Variants in TAS2R1 observed in about 807,000 individuals in gnomAD.
TAS2R1 encodes the protein taste receptor type 2 member 1.
For synonymous variants in TAS2R1, 141 were observed against 134.2 expected, an observed-to-expected ratio of 1.05 and a Z score of -0.35; for missense variants, 370 against 353.4, an observed-to-expected ratio of 1.05 and a Z score of -0.38.
chr5:9,878,189 T>C, the TAS2R1 span, among the ~76,000 whole-genome samples: 1 of 152,194 alleles, frequency 6.6e-6, no homozygotes, highest in Non-Finnish European at 1.5e-5. Context: ...CAGCAGAGAA[T>C]AAAATGCAAT....
At chr5:9,782,671 G>GTCT in the TAS2R1 span, among the ~76,000 whole-genome samples, 1 of 152,176 alleles carries the variant, frequency 6.6e-6, no homozygotes, top group East Asian at 1.9e-4. Context: ...CAAACTAAGA[G>GTCT]TCGTGCATGC....
At chr5:9,804,577 A>C in the TAS2R1 span, among the ~76,000 whole-genome samples, 1 of 152,224 alleles carries the variant, frequency 6.6e-6, no homozygotes, top group African/African-American at 2.4e-5. Context: ...AATTGGAAAC[A>C]AACTCCGAAA....
chr5:9,828,774 TCTTA>T, the TAS2R1 span, among the ~76,000 whole-genome samples: 5 of 152,230 alleles, frequency 3.3e-5, no homozygotes, highest in South Asian at 1.0e-3. Flanking sequence ...AGCTGTCCAT[TCTTA>T]CTTAAATGCT....
chr5:9,627,404 AT>A lies in TAS2R1; in HGVS notation c.*1728del, dbSNP rs1234986399. Reference sequence around the variant, plus strand: ...TTTTTAAACATTTCTTGATAACAGTATAAAAACCTAGTCATATCTTAATAGT... The same window carrying A: ...TTTTTAAACATTTCTTGATAACAGTAAAAAACCTAGTCATATCTTAATAGT... On this transcript the variant is annotated 3_prime_UTR_variant, in exon 1 of 1. Coordinates refer to ENST00000382492, the MANE Select transcript of TAS2R1 (RefSeq NM_019599.3). Among the ~76,000 whole-genome samples the A allele has an allele frequency of 6.6e-6, 1 of 150,992 alleles. No individual in the cohort carries two copies. The highest frequency in any genetic ancestry group is 1.5e-5 in the Non-Finnish European group (1 of 68,038).
At chr5:9,868,923 T>C in the TAS2R1 span, among the ~76,000 whole-genome samples, 1 of 152,296 alleles carries the variant, frequency 6.6e-6, no homozygotes, top group African/African-American at 2.4e-5. Flanking sequence ...CCCAGGAAGT[T>C]CTTCATCTCC....
chr5:9,674,788 A>T (rs1740836955), intron 1 of TAS2R1, among the ~76,000 whole-genome samples: 1 of 152,106 alleles, frequency 6.6e-6, no homozygotes, highest in African/African-American at 2.4e-5. Flanking sequence ...TAAAAATTAA[A>T]TTATGGGAAC....
the TAS2R1 span, among the ~76,000 whole-genome samples, chr5:9,763,148 G>A: frequency 1.3e-5 from 2 of 152,174 alleles, no homozygotes; most frequent in African/African-American, 4.8e-5. Flanking sequence ...AGTTTTGAAG[G>A]ATTTTTAATT....
chr5:9,889,051 T>C, the TAS2R1 span, among the ~76,000 whole-genome samples: 1 of 152,244 alleles, frequency 6.6e-6, no homozygotes, highest in African/African-American at 2.4e-5. Flanking sequence ...GTATCTGCTA[T>C]GAGAGCAACC....
At chr5:9,822,580 A>C in the TAS2R1 span, among the ~76,000 whole-genome samples, 1 of 151,598 alleles carries the variant, frequency 6.6e-6, no homozygotes, top group Non-Finnish European at 1.5e-5. Context: ...CGATCTTCTG[A>C]CCTCGTGATC....
chr5:9,639,248 A>G (rs1031011001), intron 2 of TAS2R1, among the ~76,000 whole-genome samples: 2 of 152,170 alleles, frequency 1.3e-5, no homozygotes, highest in Non-Finnish European at 2.9e-5. Flanking sequence ...GATATACTCA[A>G]TGATGGCTTC....
the TAS2R1 span, among the ~76,000 whole-genome samples, chr5:9,780,675 G>A: frequency 6.6e-6 from 1 of 151,182 alleles, no homozygotes; most frequent in African/African-American, 2.4e-5. Flanking sequence ...CTAACAGAAT[G>A]TGTGTGTGTG....
the TAS2R1 span, among the ~76,000 whole-genome samples, chr5:9,795,992 T>C: frequency 6.6e-6 from 1 of 152,144 alleles, no homozygotes; most frequent in Non-Finnish European, 1.5e-5. Context: ...CTCTGTCCAT[T>C]TCCTGGGAAC....
At chr5:9,866,886 C>G in the TAS2R1 span, among the ~76,000 whole-genome samples, 1 of 152,226 alleles carries the variant, frequency 6.6e-6, no homozygotes, top group Admixed American at 6.5e-5. Flanking sequence ...ATTGCCTGAG[C>G]AGCTCTTTGA....
chr5:9,762,802 G>C, the TAS2R1 span, among the ~76,000 whole-genome samples: 1 of 152,180 alleles, frequency 6.6e-6, no homozygotes, highest in African/African-American at 2.4e-5. Flanking sequence ...TCTGCAATTT[G>C]TAAGAGTTCC....
the TAS2R1 span, among the ~76,000 whole-genome samples, chr5:9,860,580 T>C: frequency 5.3e-5 from 8 of 152,186 alleles, no homozygotes; most frequent in Non-Finnish European, 7.3e-5. Context: ...GTGGATTTGA[T>C]GTGTAAAAGG....
the TAS2R1 span, among the ~76,000 whole-genome samples, chr5:9,893,450 T>C: frequency 7.2e-5 from 11 of 152,338 alleles, 1 homozygote; most frequent in East Asian, 3.9e-4. Context: ...GCTCAGATGG[T>C]TGTTGGTCTT....
rs552832543 is a variant in TAS2R1 at position 9,702,649 on chromosome 5, A to G, written c.-242+9523T>C. Among the ~76,000 whole-genome samples, 7 of 152,334 alleles carry G rather than the reference A, an allele frequency of 4.6e-5. No homozygotes were observed. The East Asian group carries it at 1.3e-3, about 29-fold the overall frequency. On this transcript the variant is annotated intron_variant, in intron 1 of 2. Transcript: ENST00000506620. The stretch of plus-strand genomic sequence containing the variant: ...AATACGTTTGAGGTTGACGTGTTTC[A>G]CAGAAATAGTTAAGTGATACAAATT...
At chr5:9,707,714 C>T (rs1741646071) in intron 1 of TAS2R1, among the ~76,000 whole-genome samples, 1 of 151,770 alleles carries the variant, frequency 6.6e-6, no homozygotes, top group Admixed American at 6.6e-5. Flanking sequence ...AACAAAAAGG[C>T]ACTTTTGCAG....
At position 9,646,981 on chromosome 5, in the gene TAS2R1, G is replaced by A. The variant is rs577565694; in HGVS notation, c.-81+12440C>T. ...CAAACTATGTAATATTTGTCATAGC[G>A]TATAAAATATTATTCCATCTACCCA... On this transcript the variant is annotated intron_variant, in intron 2 of 2. Transcript: ENST00000506620. Among the ~76,000 whole-genome samples the A allele has an allele frequency of 1.1e-4, 16 of 152,224 alleles. No individual in the cohort carries two copies. The South Asian group carries it at 1.2e-3, about 12-fold the overall frequency.
Sources: allele counts gnomAD v4.1 joint callset (sites outside exome capture counted in the v4.1 genomes callset), GRCh38; gene constraint gnomAD v4.1.1; transcripts MANE v1.5; gene names NCBI Gene and HGNC (gene_info 2026-07-23, HGNC 2026-07-21).